KDM4C: variants seen among roughly 807,000 people sequenced by gnomAD.
KDM4C encodes lysine demethylase 4C, also known as lysine-specific demethylase 4C.
KDM4C carries 81 observed loss-of-function variants against 129.3 expected under a neutral mutation model. The observed-to-expected ratio is 0.63, with a 90% CI of 0.52 to 0.75. The LOEUF is 0.75. KDM4C is among the 30% of genes least tolerant of loss of function. KDM4C has a pLI of 0.00. For missense variants in KDM4C, 1,457 were observed against 1,304.0 expected (o/e 1.12, Z -1.81); for synonymous variants, 573 against 456.1 (o/e 1.26, Z -3.26).
At chr9:7,069,751 C>T (rs1350721706) in intron 17 of KDM4C, among the ~76,000 whole-genome samples, 3 of 151,922 alleles carry the variant, frequency 2.0e-5, no homozygotes, top group Non-Finnish European at 4.4e-5. Context: ...AATGTGACTC[C>T]CTAAATGGGT....
chr9:7,027,241 C>T (rs926699451), intron 15 of KDM4C, among the ~76,000 whole-genome samples: 2 of 152,118 alleles, frequency 1.3e-5, no homozygotes, highest in African/African-American at 2.4e-5. Context: ...GGAAGGCTTT[C>T]CAGGTATTTG....
At chr9:6,974,544 G>A (rs944359917) in intron 8 of KDM4C, among the ~76,000 whole-genome samples, 2 of 152,266 alleles carry the variant, frequency 1.3e-5, no homozygotes, top group South Asian at 4.1e-4. Flanking sequence ...TTTTAGTAGA[G>A]ACGGAGTTTC....
At chr9:6,806,308 A>G (rs930522483) in intron 3 of KDM4C, among the ~76,000 whole-genome samples, 3 of 152,058 alleles carry the variant, frequency 2.0e-5, no homozygotes, top group African/African-American at 7.2e-5. Flanking sequence ...CAGTCTGATC[A>G]ACATGGAGAA....
At chr9:7,119,955 G>A (rs1839315346) in intron 18 of KDM4C, among the ~76,000 whole-genome samples, 2 of 152,106 alleles carry the variant, frequency 1.3e-5, no homozygotes, top group South Asian at 4.1e-4. Context: ...TTGAGAGAAG[G>A]GACTCTCTCA....
At chr9:6,913,076 A>G (rs188514667) in intron 8 of KDM4C, among the ~76,000 whole-genome samples, 9 of 152,352 alleles carry the variant, frequency 5.9e-5, no homozygotes, top group Admixed American at 2.6e-4. Flanking sequence ...AGTGAAAACT[A>G]TGACATACTT....
At chr9:6,829,695 A>G (rs149713503) in intron 4 of KDM4C, among the ~76,000 whole-genome samples, 21 of 152,292 alleles carry the variant, frequency 1.4e-4, no homozygotes, top group Admixed American at 3.3e-4. Flanking sequence ...AACACTGTGT[A>G]TACTCTGGAG....
In KDM4C at chr9:6,981,059, C is replaced by T; in HGVS notation, c.1056C>T (p.Ser352=). The change falls in exon 9 of 22, where the codon TCC becomes TCT. Residue 352 remains serine (S), a synonymous_variant. Coordinates refer to ENST00000381309, the MANE Select transcript of KDM4C (RefSeq NM_015061.6). The part of the protein sequence containing the change: ...TIDHTKPTPA[S]TPEVKAWLQR... Reference sequence around the variant, plus strand: ...ATCACACGAAGCCTACTCCAGCATCCACCCCTGAAGTAAAAGCATGGCTGC... The same window carrying T: ...ATCACACGAAGCCTACTCCAGCATCTACCCCTGAAGTAAAAGCATGGCTGC... The T allele has an allele frequency of 3.7e-6, 6 of 1,613,576 alleles. No individual in the cohort carries two copies. The highest frequency in any genetic ancestry group is 2.7e-5 in the African/African-American group (2 of 74,982).
chr9:6,994,107 G>T (rs984924674), intron 12 of KDM4C, among the ~76,000 whole-genome samples: 1 of 152,070 alleles, frequency 6.6e-6, no homozygotes, highest in East Asian at 1.9e-4. Context: ...CATAGGGAGT[G>T]TGCAACCTAG....
Position 6,805,757 on chromosome 9 carries a change from G to C in KDM4C, c.303G>C (p.Gln101His). The C allele has an allele frequency of 5.0e-6, 8 of 1,612,088 alleles. No homozygotes were observed. The highest frequency in any genetic ancestry group is 6.8e-6 in the Non-Finnish European group (8 of 1,179,406). Reference protein sequence around the residue: ...KKAMTVKEFRQLANSGKYCTP... With the variant: ...KKAMTVKEFRHLANSGKYCTP... ...CGATGACTGTGAAGGAGTTCAGGCA[G>C]CTGGCCAACAGTGGCAAGTGAGTAG... is the stretch of plus-strand genomic sequence containing the variant. Residue 101 changes from glutamine to histidine, a missense_variant, in exon 3 of 22, where the codon CAG (glutamine) becomes CAC (histidine). By Grantham distance (24) the Gln-to-His change is conservative. Transcript: ENST00000381309.
intron 18 of KDM4C, among the ~76,000 whole-genome samples, chr9:7,121,896 T>C (rs1392158698): frequency 1.3e-5 from 2 of 152,170 alleles, no homozygotes; most frequent in African/African-American, 2.4e-5. Context: ...TCCTTGCTCA[T>C]GTTTTTCTAT....
intron 19 of KDM4C, among the ~76,000 whole-genome samples, chr9:7,155,359 A>AT (rs914506601): frequency 1.1e-3 from 162 of 151,490 alleles, no homozygotes; most frequent in African/African-American, 3.5e-3. Context: ...TTTATTTATT[A>AT]TTTTTTTTTA....
chr9:6,921,050 A>G lies in KDM4C; in HGVS notation c.921+27818A>G, dbSNP rs189575162. ...TTTTCTCCTTGCTTTCTGAGATGGT[A>G]CACATTTCTTGTTTCCGTCTGCCTT... On this transcript the variant is annotated intron_variant, in intron 8 of 21. Coordinates refer to ENST00000381309, the MANE Select transcript of KDM4C (RefSeq NM_015061.6). Among the ~76,000 whole-genome samples, 671 of 151,826 alleles carry G rather than the reference A, an allele frequency of 4.4e-3. 1 individual carries two copies. Among genetic ancestry groups the G allele is most frequent in the South Asian group, 0.01 (48 of 4,752 alleles).
intron 15 of KDM4C, among the ~76,000 whole-genome samples, chr9:7,030,731 T>C (rs1021359309): frequency 6.6e-6 from 1 of 152,226 alleles, no homozygotes; most frequent in Non-Finnish European, 1.5e-5. Context: ...ATATATGCCT[T>C]ACAGTTAATT....
rs745807893 is a variant in KDM4C at position 7,174,638 on chromosome 9, G to A, written c.3080G>A (p.Ser1027Asn). 4 of 1,614,122 alleles carry A rather than the reference G, an allele frequency of 2.5e-6. No individual in the cohort carries two copies. The highest frequency in any genetic ancestry group is 2.5e-6 in the Non-Finnish European group (3 of 1,179,950). ...QGERKRQRVL[S>N]SRFKNEYVAD... ...GAGAGAAAGAGACAAAGAGTGCTGAGCTCCAGGTTTAAGAATGAATATGTG... is the reference window on the plus strand; with the variant it reads ...GAGAGAAAGAGACAAAGAGTGCTGAACTCCAGGTTTAAGAATGAATATGTG... Residue 1027 changes from serine to asparagine, a missense_variant, in exon 22 of 22, where the codon AGC becomes AAC. Transcript: ENST00000381309.
chr9:7,086,159 A>G (rs1046977427), intron 17 of KDM4C, among the ~76,000 whole-genome samples: 1 of 152,204 alleles, frequency 6.6e-6, no homozygotes, highest in Non-Finnish European at 1.5e-5. Context: ...CCCCGTCTCA[A>G]AAAAAACAAA....
At chr9:6,781,833 T>G (rs1330672671) in intron 1 of KDM4C, among the ~76,000 whole-genome samples, 1 of 152,010 alleles carries the variant, frequency 6.6e-6, no homozygotes, top group Admixed American at 6.6e-5. Context: ...TTTTTTTTTT[T>G]TTTTGAGACA....
chr9:6,962,435 T>C (rs1830192833), intron 8 of KDM4C, among the ~76,000 whole-genome samples: 1 of 152,234 alleles, frequency 6.6e-6, no homozygotes, highest in Non-Finnish European at 1.5e-5. Context: ...AATTTTCAGC[T>C]TCTGAGATAA....
intron 12 of KDM4C, among the ~76,000 whole-genome samples, chr9:7,004,527 T>C (rs770578688): frequency 1.3e-5 from 2 of 152,218 alleles, no homozygotes; most frequent in Non-Finnish European, 2.9e-5. Context: ...AGTCATACTG[T>C]ATATTTCATT....
intron 12 of KDM4C, among the ~76,000 whole-genome samples, chr9:7,002,836 T>A (rs564619488): frequency 2.6e-5 from 4 of 152,240 alleles, no homozygotes; most frequent in Non-Finnish European, 5.9e-5. Flanking sequence ...CTTTAAATAC[T>A]GTCTGTTCAA....
Sources: gnomAD v4.1 joint callset for allele counts (sites outside exome capture counted in the v4.1 genomes callset) on GRCh38, gnomAD v4.1.1 for gene constraint, MANE v1.5 for transcripts, NCBI Gene and HGNC (gene_info 2026-07-23, HGNC 2026-07-21) for gene names.